Variants in GAS7 observed in about 807,000 individuals in gnomAD.
GAS7 encodes growth arrest specific 7.
A neutral mutation model predicts 71.1 loss-of-function variants in GAS7; 28 were observed. The ratio of observed to expected loss-of-function variants is 0.39; its 90% CI spans 0.29 to 0.54. The LOEUF is 0.54. Ranked by LOEUF, GAS7 falls within the 20% of genes least tolerant of loss-of-function variation. GAS7 has a pLI of 0.62. For missense variants in GAS7, 436 were observed against 627.8 expected (o/e 0.69, Z 3.27); for synonymous variants, 258 against 245.8 (o/e 1.05, Z -0.46).
chr17:9,933,501 A>G (rs1424040345), intron 9 of GAS7, among the ~76,000 whole-genome samples: 1 of 152,172 alleles, frequency 6.6e-6, no homozygotes, highest in Non-Finnish European at 1.5e-5. Flanking sequence ...GGCCATTATC[A>G]AAAAGGAAAT....
chr17:9,911,721 G>A lies in GAS7; in HGVS notation c.*5507C>T, dbSNP rs1445712252. 3.0e-5 allele frequency: 7 copies of A among 232,310 alleles called. No homozygotes were observed. The highest frequency in any genetic ancestry group is 1.5e-4 in the African/African-American group (7 of 45,270). The allele number at this position is 232,310 out of a possible 1,614,324, so 14.4% of individuals were successfully genotyped here. A position where few individuals can be genotyped will look rare whatever the true frequency, so the allele number is the denominator to read the frequency against. The stretch of plus-strand genomic sequence containing the variant: ...CCAGCAGAGTCCTGGCAGCCTCTTC[G>A]GCTCCCTACCTTGAGGCCCCGGGGG... On this transcript the variant is annotated 3_prime_UTR_variant, in exon 14 of 14. Coordinates refer to ENST00000432992, the MANE Select transcript of GAS7 (RefSeq NM_201433.2). This position sits in a 1 kb window ranked among gnomAD's most constrained non-coding sequence, Gnocchi z 4.0.
chr17:9,934,487 C>A (rs988890275), intron 8 of GAS7, among the ~76,000 whole-genome samples: 3 of 151,764 alleles, frequency 2.0e-5, no homozygotes, highest in African/African-American at 7.3e-5. Flanking sequence ...CTGTGGCGCA[C>A]AGCCAAGAGG....
intron 9 of GAS7, among the ~76,000 whole-genome samples, chr17:9,927,757 T>C (rs1007347053): frequency 1.3e-5 from 2 of 152,178 alleles, no homozygotes; most frequent in Non-Finnish European, 2.9e-5. Context: ...ATCTACTCCA[T>C]GGCAGGTGCT....
intron 2 of GAS7, among the ~76,000 whole-genome samples, chr17:9,989,769 T>C (rs1393464443): frequency 1.3e-5 from 2 of 152,178 alleles, no homozygotes; most frequent in Admixed American, 6.5e-5. Flanking sequence ...GTATTATGTA[T>C]CTATTGTTAC....
chr17:10,003,432 T>C (rs3786079), intron 2 of GAS7, among the ~76,000 whole-genome samples: 35,921 of 152,138 alleles, frequency 0.24, 6,480 homozygotes, highest in African/African-American at 0.51. Context: ...TCCCACTCCA[T>C]ATGTCACCAG....
intron 1 of GAS7, among the ~76,000 whole-genome samples, chr17:10,164,978 G>A (rs980491768): frequency 3.3e-5 from 5 of 151,616 alleles, no homozygotes; most frequent in South Asian, 2.1e-4. Context: ...GTGAAACCTC[G>A]TCTCTACTAA....
At chr17:10,075,401 A>G (rs2073379776) in intron 1 of GAS7, among the ~76,000 whole-genome samples, 1 of 152,094 alleles carries the variant, frequency 6.6e-6, no homozygotes, top group Non-Finnish European at 1.5e-5. Context: ...TTCATACTTA[A>G]TGGAAAACCC....
intron 9 of GAS7, among the ~76,000 whole-genome samples, chr17:9,927,908 G>A (rs2068068244): frequency 6.6e-6 from 1 of 152,110 alleles, no homozygotes; most frequent in Admixed American, 6.5e-5. Flanking sequence ...GGGCTGCCTG[G>A]AGCACAGGCA....
chr17:10,094,312 G>A (rs1439790852), intron 1 of GAS7, among the ~76,000 whole-genome samples: 3 of 152,174 alleles, frequency 2.0e-5, no homozygotes, highest in Non-Finnish European at 4.4e-5. Flanking sequence ...TGAAGGATAT[G>A]AGCTCAGCTG....
intron 1 of GAS7, among the ~76,000 whole-genome samples, chr17:10,038,936 C>A (rs1414357492): frequency 2.0e-5 from 3 of 152,086 alleles, no homozygotes; most frequent in Admixed American, 6.6e-5. Flanking sequence ...GTGCAACAGC[C>A]AGACACAAAG....
chr17:9,957,248 G>A (rs906379162), intron 5 of GAS7, among the ~76,000 whole-genome samples: 1 of 152,228 alleles, frequency 6.6e-6, no homozygotes, highest in East Asian at 1.9e-4. Flanking sequence ...CCAGGAATCT[G>A]CATTTTAAAA....
intron 8 of GAS7, among the ~76,000 whole-genome samples, chr17:9,936,703 G>C (rs946857074): frequency 6.6e-6 from 1 of 152,150 alleles, no homozygotes; most frequent in African/African-American, 2.4e-5. Flanking sequence ...CTGATAAACG[G>C]TTAATGAAAA....
At chr17:10,140,797 G>A (rs2157696) in intron 1 of GAS7, among the ~76,000 whole-genome samples, 49,228 of 152,126 alleles carry the variant, frequency 0.32, 9,560 homozygotes, top group Non-Finnish European at 0.43. Context: ...GTAGTGGAAA[G>A]CCGTGGAGAC....
chr17:10,138,207 C>T (rs928983160), intron 1 of GAS7, among the ~76,000 whole-genome samples: 2 of 147,590 alleles, frequency 1.4e-5, no homozygotes, highest in Admixed American at 6.7e-5. Context: ...ACTCGTGATC[C>T]GCCCGCCTCG....
At chr17:9,967,075 C>T (rs550258592) in intron 4 of GAS7, among the ~76,000 whole-genome samples, 1 of 152,102 alleles carries the variant, frequency 6.6e-6, no homozygotes, top group East Asian at 1.9e-4. Flanking sequence ...AAGAGTCTGA[C>T]TCAATCCGCC....
intron 6 of GAS7, among the ~76,000 whole-genome samples, chr17:9,946,115 C>G (rs1309446024): frequency 6.6e-6 from 1 of 152,120 alleles, no homozygotes; most frequent in East Asian, 1.9e-4. Context: ...GGGTTTGTGA[C>G]CATCCCCACT....
In GAS7 at chr17:10,005,147, ATGCATGCATGTGTGTGCGCACG is replaced by A. The variant is rs1567879874; in HGVS notation, c.304+14608_304+14629del. On this transcript the variant is annotated intron_variant, in intron 2 of 13. Transcript: ENST00000432992. Reference sequence around the variant, plus strand: ...CATACCAGCATGTGTGCGCGCACGCATGCATGCATGTGTGTGCGCACGCATGCATGTATGTGTATGTGCACGC... The same window carrying A: ...CATACCAGCATGTGTGCGCGCACGCACATGCATGTATGTGTATGTGCACGC... 1.3e-3 allele frequency among the ~76,000 whole-genome samples: 91 copies of A among 71,394 alleles called. No individual in the cohort carries two copies. The East Asian group carries it at 0.016, about 12-fold the overall frequency. 46.8% of individuals were successfully genotyped at this position (71,394 alleles called of 152,430 possible).
At chr17:10,099,824 C>T (rs1226524903) in intron 1 of GAS7, among the ~76,000 whole-genome samples, 1 of 152,188 alleles carries the variant, frequency 6.6e-6, no homozygotes, top group African/African-American at 2.4e-5. Context: ...ATATTCAAAA[C>T]CTAAGAGTGT....
In GAS7 at chr17:9,946,849, C is replaced by T. The variant is rs764611321; in HGVS notation, c.615+45G>A. ...CCTACCCATCCTGGGTGTCCACTCCCGGTCACCGGGGTCACGCTGTGGGGG... is the reference window on the plus strand; with the variant it reads ...CCTACCCATCCTGGGTGTCCACTCCTGGTCACCGGGGTCACGCTGTGGGGG... On this transcript the variant is annotated intron_variant, in intron 6 of 13. Coordinates refer to ENST00000432992, the MANE Select transcript of GAS7 (RefSeq NM_201433.2). The T allele has an allele frequency of 4.8e-5, 63 of 1,319,810 alleles. No homozygotes were observed. In the East Asian group the frequency reaches 5.6e-4, roughly 12 times the overall value. The allele number at this position is 1,319,810 out of a possible 1,614,324, so 81.8% of individuals were successfully genotyped here. A position where few individuals can be genotyped will look rare whatever the true frequency, so the allele number is the denominator to read the frequency against.
Sources: allele counts gnomAD v4.1 joint callset (sites outside exome capture counted in the v4.1 genomes callset), GRCh38; gene constraint gnomAD v4.1.1; non-coding constraint Gnocchi (gnomAD v3.1); transcripts MANE v1.5; gene names NCBI Gene and HGNC (gene_info 2026-07-23, HGNC 2026-07-21).